DNAI1: variants seen among roughly 807,000 people sequenced by gnomAD.
DNAI1 encodes dynein, axonemal, intermediate polypeptide 1.
DNAI1 carries 67 observed loss-of-function variants against 92.0 expected under a neutral mutation model. The ratio of observed to expected loss-of-function variants is 0.73; its 90% CI spans 0.60 to 0.89. The LOEUF (loss-of-function observed/expected upper bound fraction) is 0.89. DNAI1 is among the 40% of genes least tolerant of loss of function. DNAI1 has a pLI of 0.00. For missense variants in DNAI1, 839 were observed against 866.6 expected (o/e 0.97, Z 0.40); for synonymous variants, 323 against 319.6 (o/e 1.01, Z -0.11).
Position 34,493,190 on chromosome 9 carries a change from C to G in DNAI1, c.682-4C>G. 6.2e-7 allele frequency: 1 copy of G among 1,614,164 alleles called. No individual in the cohort carries two copies. The highest frequency in any genetic ancestry group is 8.5e-7 in the Non-Finnish European group (1 of 1,180,022). On this transcript the variant is annotated splice_polypyrimidine_tract_variant and splice_region_variant and intron_variant, in intron 8 of 19. Transcript: ENST00000242317. ...ATGATCCTTCTTATCTCACCCTTGC[C>G]TAGTGGGAGATCTATGATGCCTATG...
At chr9:34,483,398 C>A in intron 1 of DNAI1, 50 bp from the exon 2 acceptor site, 1 of 1,576,808 alleles carries the variant, frequency 6.3e-7, no homozygotes, top group African/African-American at 1.3e-5. Context: ...TATGATATTT[C>A]CATGTCAATT....
intron 1 of DNAI1, among the ~76,000 whole-genome samples, chr9:34,474,900 A>G (rs1305132109): frequency 6.6e-6 from 1 of 152,100 alleles, no homozygotes; most frequent in African/African-American, 2.4e-5. Context: ...AACTCAAGAA[A>G]GTGGAGCCAT....
At chr9:34,462,287 C>T (rs187694429) in intron 1 of DNAI1, among the ~76,000 whole-genome samples, 32 of 152,326 alleles carry the variant, frequency 2.1e-4, no homozygotes, top group Admixed American at 1.2e-3. Context: ...TTTATCTCCT[C>T]TAAGCTTTTG....
At chr9:34,481,710 G>A (rs546345855) in intron 1 of DNAI1, among the ~76,000 whole-genome samples, 1 of 152,296 alleles carries the variant, frequency 6.6e-6, no homozygotes, top group East Asian at 1.9e-4. Context: ...GAGTGTTACA[G>A]CTCTTAAGAT....
chr9:34,482,758 C>A (rs983650250), intron 1 of DNAI1, among the ~76,000 whole-genome samples: 4 of 152,284 alleles, frequency 2.6e-5, no homozygotes, highest in African/African-American at 9.6e-5. Flanking sequence ...CTGCGCCTTG[C>A]GCTCGCATTC....
intron 1 of DNAI1, among the ~76,000 whole-genome samples, chr9:34,468,416 C>G (rs1367151322): frequency 6.6e-6 from 1 of 151,564 alleles, no homozygotes; most frequent in African/African-American, 2.4e-5. Flanking sequence ...GTCTCGATCT[C>G]CTAACCTCCT....
chr9:34,466,866 A>G (rs1194990055), intron 1 of DNAI1, among the ~76,000 whole-genome samples: 2 of 152,138 alleles, frequency 1.3e-5, no homozygotes, highest in African/African-American at 2.4e-5. Flanking sequence ...CCAGCTTATC[A>G]TAACTGTTCT....
At chr9:34,489,547 C>T (rs1824539483) in intron 5 of DNAI1, 98 bp downstream of exon 5, 1 of 1,430,474 alleles carries the variant, frequency 7.0e-7, no homozygotes, top group Non-Finnish European at 9.8e-7. Context: ...CTTTTCAGAG[C>T]TTCTGCTAAC....
chr9:34,491,686 C>A, intron 8 of DNAI1, 132 bp downstream of exon 8: 1 of 956,830 alleles, frequency 1.0e-6, no homozygotes, highest in Admixed American at 2.0e-5. Context: ...TGCCTCCCTG[C>A]TCACTGTCCT....
chr9:34,518,639 G>C (rs2132087762), intron 19 of DNAI1, among the ~76,000 whole-genome samples: 1 of 152,336 alleles, frequency 6.6e-6, no homozygotes, highest in South Asian at 2.1e-4. Context: ...TAGATAAAAT[G>C]TGTTCTTAAT....
At chr9:34,505,699 C>T (rs1469718529) in intron 12 of DNAI1, among the ~76,000 whole-genome samples, 1 of 152,164 alleles carries the variant, frequency 6.6e-6, no homozygotes, top group Non-Finnish European at 1.5e-5. Flanking sequence ...AGTGGCTGGC[C>T]TGGTATCCTT....
chr9:34,517,206 G>A (rs1249590291), intron 18 of DNAI1, 79 bp from the exon 19 acceptor site: 8 of 1,496,778 alleles, frequency 5.3e-6, no homozygotes, highest in Non-Finnish European at 7.3e-6. Flanking sequence ...CTTTCCCCAG[G>A]AAGTCCAGGG....
At chr9:34,469,885 A>G (rs1356283850) in intron 1 of DNAI1, among the ~76,000 whole-genome samples, 1 of 152,184 alleles carries the variant, frequency 6.6e-6, no homozygotes, top group African/African-American at 2.4e-5. Flanking sequence ...CAGCCCTTCT[A>G]TTAATTTTCT....
intron 18 of DNAI1, among the ~76,000 whole-genome samples, chr9:34,515,258 C>T (rs375894127): frequency 1.3e-5 from 2 of 152,292 alleles, no homozygotes; most frequent in East Asian, 3.9e-4. Flanking sequence ...AACCCATTTT[C>T]CCTATGGACT....
intron 9 of DNAI1, 135 bp from the exon 10 acceptor site, chr9:34,496,980 A>G (rs540060389): frequency 4.3e-5 from 33 of 759,458 alleles, no homozygotes; most frequent in African/African-American, 3.9e-4. Context: ...ATGCAGAGAA[A>G]CCTTTACAGA....
At chr9:34,498,265 T>A (rs897890219) in intron 10 of DNAI1, among the ~76,000 whole-genome samples, 1 of 152,258 alleles carries the variant, frequency 6.6e-6, no homozygotes, top group Non-Finnish European at 1.5e-5. Flanking sequence ...CATGTTATTA[T>A]TTTGTTTGTT....
At chr9:34,478,967 G>A (rs1217496543) in intron 1 of DNAI1, 1 of 152,290 alleles carries the variant, frequency 6.6e-6, no homozygotes, top group African/African-American at 2.4e-5. Context: ...GTGAGGAAAG[G>A]AAGAGTAGAG....
At chr9:34,488,489 G>C (rs1214591769) in intron 4 of DNAI1, 5 of 153,018 alleles carry the variant, frequency 3.3e-5, no homozygotes, top group African/African-American at 1.2e-4. Context: ...CCTCTACTGT[G>C]AGTTTACCGT....
chr9:34,467,852 G>A (rs1364835906), intron 1 of DNAI1, among the ~76,000 whole-genome samples: 4 of 152,174 alleles, frequency 2.6e-5, no homozygotes, highest in Admixed American at 6.5e-5. Flanking sequence ...AACACTCAAC[G>A]TGAGTCACAC....
Sources: allele counts gnomAD v4.1 joint callset (sites outside exome capture counted in the v4.1 genomes callset), GRCh38; gene constraint gnomAD v4.1.1; transcripts MANE v1.5; gene names NCBI Gene and HGNC (gene_info 2026-07-23, HGNC 2026-07-21).